The following ANKRD11 variants were observed in gnomAD, a reference collection of about 807,000 sequenced individuals.
The protein encoded by ANKRD11 is ankyrin repeat domain-containing protein 11.
In ANKRD11, 17 loss-of-function variants were observed where a neutral mutation model predicts 195.7. The ratio of observed to expected loss-of-function variants is 0.09; its 90% CI spans 0.06 to 0.13. The LOEUF is 0.13. Ranked by LOEUF, ANKRD11 falls within the 10% of genes least tolerant of loss-of-function variation. The pLI, the probability that ANKRD11 is intolerant of heterozygous loss-of-function variation, is 1.00. For missense variants in ANKRD11, 3,735 were observed against 3,566.1 expected (o/e 1.05, Z -1.21); for synonymous variants, 1,953 against 1,528.1 (o/e 1.28, Z -6.49).
intron 3 of ANKRD11, among the ~76,000 whole-genome samples, chr16:89,314,093 C>G (rs1166782077): frequency 1.3e-5 from 2 of 152,138 alleles, no homozygotes. Context: ...GTGTAGCGGT[C>G]TGCTCCTGTG....
intron 2 of ANKRD11, among the ~76,000 whole-genome samples, chr16:89,386,341 C>T (rs577517507): frequency 9.9e-5 from 15 of 152,198 alleles, no homozygotes; most frequent in East Asian, 7.7e-4. Flanking sequence ...GAGGGCAGCA[C>T]GACCAATTCC....
chr16:89,411,910 C>G, intron 2 of ANKRD11, among the ~76,000 whole-genome samples: 1 of 151,538 alleles, frequency 6.6e-6, no homozygotes, highest in East Asian at 2.0e-4. Context: ...TCCCCTCAGC[C>G]AGGTACTGGG....
intron 2 of ANKRD11, among the ~76,000 whole-genome samples, chr16:89,330,314 TG>T (rs2151962957): frequency 6.6e-6 from 1 of 151,712 alleles, no homozygotes; most frequent in East Asian, 1.9e-4. Context: ...TCTGGGTGGG[TG>T]GGAAGGCTCG....
chr16:89,313,733 C>T (rs748435798), intron 3 of ANKRD11: 2 of 529,672 alleles, frequency 3.8e-6, no homozygotes, highest in African/African-American at 2.0e-5. Context: ...ACTTGGGGCT[C>T]ACTTCCTCCC....
intron 4 of ANKRD11, chr16:89,299,864 G>A (rs2035725271): frequency 4.2e-5 from 7 of 166,322 alleles, no homozygotes; most frequent in Admixed American, 9.9e-5. Flanking sequence ...CCTGTGTGGG[G>A]TGTGTGGGGT....
intron 4 of ANKRD11, chr16:89,300,039 GTGCCCTGTGTGAGGTGCC>G: frequency 5.2e-6 from 1 of 193,760 alleles, no homozygotes; most frequent in Non-Finnish European, 9.9e-6. Context: ...CGTGGGGTCT[GTGCCCTGTGTGAGGTGCC>G]TGCCCTGTGT....
At chr16:89,450,641 T>C (rs969630600) in intron 1 of ANKRD11, among the ~76,000 whole-genome samples, 8 of 152,200 alleles carry the variant, frequency 5.3e-5, no homozygotes, top group Non-Finnish European at 1.5e-5. Flanking sequence ...CCTAAACTCC[T>C]ACTTTCTCCA....
chr16:89,407,825 G>C (rs1037380737), intron 2 of ANKRD11, among the ~76,000 whole-genome samples: 4 of 135,044 alleles, frequency 3.0e-5, no homozygotes, highest in African/African-American at 1.1e-4. Flanking sequence ...ACTCCCACCT[G>C]AGTGAGAGTC....
intron 1 of ANKRD11, chr16:89,459,000 C>T (rs1171498077): frequency 6.5e-6 from 1 of 152,964 alleles, no homozygotes; most frequent in Non-Finnish European, 1.5e-5. Context: ...CCCAGATTCA[C>T]AGTGGTGAAC....
chr16:89,395,043 A>G (rs904627523), intron 2 of ANKRD11, among the ~76,000 whole-genome samples: 2 of 152,226 alleles, frequency 1.3e-5, no homozygotes, highest in Non-Finnish European at 2.9e-5. Flanking sequence ...ATCATCTTAA[A>G]AGTTCTGCAG....
chr16:89,296,183 C>T (rs2035425923), intron 4 of ANKRD11, among the ~76,000 whole-genome samples: 1 of 151,844 alleles, frequency 6.6e-6, no homozygotes, highest in African/African-American at 2.4e-5. Flanking sequence ...GTTCTGAAAA[C>T]TTCACGTCAG....
At chr16:89,435,699 G>A (rs1033601045) in intron 1 of ANKRD11, among the ~76,000 whole-genome samples, 6 of 150,780 alleles carry the variant, frequency 4.0e-5, no homozygotes, top group African/African-American at 7.3e-5. Context: ...ACATTCACAC[G>A]CAGACGTACT....
intron 2 of ANKRD11, chr16:89,323,744 ACTCT>A (rs1391892724): frequency 4.0e-6 from 1 of 248,944 alleles, no homozygotes; most frequent in Admixed American, 5.4e-5. Flanking sequence ...CAAGAGTCCA[ACTCT>A]CTCTCCTTCC....
At chr16:89,371,728 CGATGCGGACTCCCTCCTGCACCCCCTCAG>C (rs2040202657) in intron 2 of ANKRD11, among the ~76,000 whole-genome samples, 1 of 152,124 alleles carries the variant, frequency 6.6e-6, no homozygotes, top group African/African-American at 2.4e-5. Flanking sequence ...GTGTGGAGGG[CGATGCGGACTCCCTCCTGCACCCCCTCAG>C]GATGACGGAG....
chr16:89,306,787 C>T (rs1291771540), intron 3 of ANKRD11, among the ~76,000 whole-genome samples: 2 of 16,616 alleles, frequency 1.2e-4, no homozygotes, highest in African/African-American at 3.6e-4. Flanking sequence ...CACGCGCCAC[C>T]TACCTCCCAC....
chr16:89,347,147 G>A (rs1018487984), intron 2 of ANKRD11, among the ~76,000 whole-genome samples: 2 of 152,156 alleles, frequency 1.3e-5, no homozygotes, highest in Non-Finnish European at 2.9e-5. Flanking sequence ...AGAGGAAGCA[G>A]CAAGCAGCTT....
chr16:89,343,236 A>T (rs2038776556), intron 2 of ANKRD11, among the ~76,000 whole-genome samples: 1 of 151,990 alleles, frequency 6.6e-6, no homozygotes, highest in African/African-American at 2.4e-5. Flanking sequence ...AGAGTGATCC[A>T]CCCAGCTCGG....
At chr16:89,276,464 G>C (rs1437720576) in intron 9 of ANKRD11, among the ~76,000 whole-genome samples, 1 of 152,180 alleles carries the variant, frequency 6.6e-6, no homozygotes, top group Non-Finnish European at 1.5e-5. Flanking sequence ...AGGCCTCCAG[G>C]TCACGTCACC....
chr16:89,331,159 G>A (rs1470614358), intron 2 of ANKRD11, among the ~76,000 whole-genome samples: 1 of 152,156 alleles, frequency 6.6e-6, no homozygotes, highest in African/African-American at 2.4e-5. Flanking sequence ...TCGCCATGTT[G>A]GCCAGGCTGG....
Sources: gnomAD v4.1 joint callset for allele counts (sites outside exome capture counted in the v4.1 genomes callset) on GRCh38, gnomAD v4.1.1 for gene constraint, MANE v1.5 for transcripts, NCBI Gene and HGNC (gene_info 2026-07-23, HGNC 2026-07-21) for gene names.